Variants in RUNX3 observed in about 807,000 individuals in gnomAD.
RUNX3 encodes the protein runt-related transcription factor 3.
A neutral mutation model predicts 27.7 loss-of-function variants in RUNX3; 10 were observed. The observed-to-expected ratio is 0.36, with a 90% CI of 0.22 to 0.61. RUNX3 has a LOEUF of 0.61. Ranked by LOEUF, RUNX3 falls within the 20% of genes least tolerant of loss-of-function variation. The pLI, the probability that RUNX3 is intolerant of heterozygous loss-of-function variation, is 0.72. For synonymous variants in RUNX3, 270 were observed against 269.2 expected (o/e 1.00, Z -0.03); for missense variants, 469 against 629.5 (o/e 0.75, Z 2.73).
chr1:24,948,389 C>T (rs1641666922), intron 2 of RUNX3, among the ~76,000 whole-genome samples: 2 of 152,132 alleles, frequency 1.3e-5, no homozygotes, highest in Non-Finnish European at 2.9e-5. Context: ...GGGGTGGGCA[C>T]ACAAGGCGGG....
intron 2 of RUNX3, among the ~76,000 whole-genome samples, chr1:24,953,638 G>A (rs544623231): frequency 3.3e-5 from 5 of 152,238 alleles, no homozygotes; most frequent in East Asian, 3.9e-4. Flanking sequence ...CCTACGGGAC[G>A]GTGCCGTTCT....
rs905615488 is a variant in RUNX3, at chr1:24,902,225, C to T, written c.1145G>A (p.Gly382Asp). 8.9e-6 allele frequency: 14 copies of T among 1,573,624 alleles called. No individual in the cohort carries two copies. Among genetic ancestry groups the T allele is most frequent in the African/African-American group, 1.3e-5 (1 of 74,528 alleles). ...AAGNLMNPSL[G>D]GQSDGVEADG... ...GGCCTCCACGCCATCACTCTGGCCGCCCAGGCTGGGGTTCATGAGGTTGCC... is the reference window on the plus strand; with the variant it reads ...GGCCTCCACGCCATCACTCTGGCCGTCCAGGCTGGGGTTCATGAGGTTGCC... Residue 382 changes from glycine to aspartate, a missense_variant, in exon 5 of 5, where the codon GGC becomes GAC. Gly to Asp is a moderately conservative substitution (Grantham distance 94). This residue lies in a region of RUNX3 where 279 missense variants were observed against 343.0 expected (regional missense o/e 0.81). Coordinates refer to ENST00000308873, the MANE Select transcript of RUNX3 (RefSeq NM_004350.3). The surrounding 1 kb of genome is among the most constrained non-coding windows in gnomAD (Gnocchi z 9.2).
intron 2 of RUNX3, among the ~76,000 whole-genome samples, chr1:24,948,896 T>C (rs1641683886): frequency 3.3e-5 from 5 of 152,070 alleles, no homozygotes. Flanking sequence ...TATGATTGTC[T>C]ATTTAAACAA....
At chr1:24,953,500 G>T (rs145533766) in intron 2 of RUNX3, among the ~76,000 whole-genome samples, 196 of 149,616 alleles carry the variant, frequency 1.3e-3, no homozygotes, top group African/African-American at 4.5e-3. Context: ...TAGTTAAAAT[G>T]AAATAAGATA....
intron 2 of RUNX3, among the ~76,000 whole-genome samples, chr1:24,937,486 A>G (rs1433115017): frequency 6.6e-6 from 1 of 152,326 alleles, no homozygotes; most frequent in South Asian, 2.1e-4. Flanking sequence ...GTTTGCTTAT[A>G]TCACCTGAGA....
In RUNX3 at chr1:24,930,192, C is replaced by G; in HGVS notation, c.-324G>C. 1.0e-6 allele frequency: 1 copy of G among 979,740 alleles called. No homozygotes were observed. Among genetic ancestry groups the G allele is most frequent in the Non-Finnish European group, 1.2e-6 (1 of 827,194 alleles). The allele number at this position is 979,740 out of a possible 1,614,324, so 60.7% of individuals were successfully genotyped here. ...GGCCCGCGCGGGGCTGTGCCGCTGCCGCCGCCTCCCGCCCCGAAGCTCGCC... is the reference window on the plus strand; with the variant it reads ...GGCCCGCGCGGGGCTGTGCCGCTGCGGCCGCCTCCCGCCCCGAAGCTCGCC... On this transcript the variant is annotated 5_prime_UTR_variant, in exon 1 of 5. Transcript: ENST00000308873. This position sits in a 1 kb window ranked among gnomAD's most constrained non-coding sequence, Gnocchi z 4.1.
rs541427663 is a variant in RUNX3, at chr1:24,948,634, G to A, written c.58+15880C>T. Among the ~76,000 whole-genome samples the A allele has an allele frequency of 4.4e-4, 67 of 151,102 alleles. 1 individual carries two copies. The South Asian group carries it at 0.011, about 25-fold the overall frequency. On this transcript the variant is annotated intron_variant, in intron 2 of 6. Transcript: ENST00000338888. The stretch of plus-strand genomic sequence containing the variant: ...GGTACATGCAGGATGGGTGCATGTC[G>A]GGGAGGGTCATGTGCAGGACGGGGT...
chr1:24,914,510 C>T (rs944969232), intron 3 of RUNX3, among the ~76,000 whole-genome samples: 10 of 152,150 alleles, frequency 6.6e-5, no homozygotes, highest in African/African-American at 1.2e-4. Context: ...AAAGCCGGGT[C>T]GGTGGCTGGG....
intron 2 of RUNX3, among the ~76,000 whole-genome samples, chr1:24,949,079 G>C (rs980263868): frequency 6.6e-6 from 1 of 151,988 alleles, no homozygotes; most frequent in East Asian, 1.9e-4. Context: ...GTCTTTGAGG[G>C]GATGGGGGTC....
intron 2 of RUNX3, among the ~76,000 whole-genome samples, chr1:24,939,033 C>T (rs1030418725): frequency 7.2e-5 from 11 of 152,262 alleles, no homozygotes; most frequent in African/African-American, 2.4e-4. Context: ...TCTCCCCAAT[C>T]GCATTTGGGC....
intron 1 of RUNX3, chr1:24,964,821 A>C: frequency 1.0e-6 from 1 of 999,574 alleles, no homozygotes; most frequent in Middle Eastern, 3.2e-4. Context: ...AAGGAAAGTA[A>C]GTTTCTGTTT....
Position 24,902,734 on chromosome 1 carries a change from A to C in RUNX3, c.704-68T>G. ...CCCCAGGAGGGCTTCCTGAAGAATGACCTTGGGCTCTGGTTCCCAAGGCCC... is the reference window on the plus strand; with the variant it reads ...CCCCAGGAGGGCTTCCTGAAGAATGCCCTTGGGCTCTGGTTCCCAAGGCCC... On this transcript the variant is annotated intron_variant, in intron 4 of 4. Transcript: ENST00000308873. The surrounding 1 kb of genome is among the most constrained non-coding windows in gnomAD (Gnocchi z 9.2). 10 of 1,366,770 alleles carry C rather than the reference A, an allele frequency of 7.3e-6. No individual in the cohort carries two copies. The highest frequency in any genetic ancestry group is 9.8e-6 in the Non-Finnish European group (10 of 1,020,502). 84.7% of individuals were successfully genotyped at this position (1,366,770 alleles called of 1,614,324 possible). A position where few individuals can be genotyped will look rare whatever the true frequency, so the allele number is the denominator to read the frequency against.
Position 24,919,888 on chromosome 1 carries a change from T to C in RUNX3, c.440-544A>G, listed in dbSNP as rs892803636. Among the ~76,000 whole-genome samples, 5 of 152,154 alleles carry C rather than the reference T, an allele frequency of 3.3e-5. No homozygotes were observed. The East Asian group carries it at 9.6e-4, about 29-fold the overall frequency. On this transcript the variant is annotated intron_variant, in intron 2 of 4. Coordinates refer to ENST00000308873, the MANE Select transcript of RUNX3 (RefSeq NM_004350.3). ...AAAATACAGATTTTCATACTGTTTT[T>C]TTTTTCATTTAACCTCACATCAGAA...
Position 24,929,856 on chromosome 1 carries a change from C to T in RUNX3, c.13G>A (p.Val5Ile). 1.5e-6 allele frequency: 2 copies of T among 1,356,962 alleles called. No individual in the cohort carries two copies. The highest frequency in any genetic ancestry group is 1.9e-6 in the Non-Finnish European group (2 of 1,063,632). The allele number at this position is 1,356,962 out of a possible 1,614,324, so 84.1% of individuals were successfully genotyped here. A position where few individuals can be genotyped will look rare whatever the true frequency, so the allele number is the denominator to read the frequency against. The change falls in exon 1 of 5, where the codon GTA (valine) becomes ATA (isoleucine). Residue 5 changes from valine to isoleucine, a missense_variant. By Grantham distance (29) the Val-to-Ile change is conservative (BLOSUM62 3). Coordinates refer to ENST00000308873, the MANE Select transcript of RUNX3 (RefSeq NM_004350.3). ...AAGCGGCGGCTGGTGCTTGGGTCTA[C>T]GGGAATACGCATAACAGCGGCCGTC... MRIP[V>I]DPSTSRRFTP...
rs1405377667 is a variant in RUNX3 at position 24,923,516 on chromosome 1, G to A, written c.439+4058C>T. 3.3e-5 allele frequency among the ~76,000 whole-genome samples: 5 copies of A among 152,202 alleles called. No individual in the cohort carries two copies. Among genetic ancestry groups the A allele is most frequent in the Non-Finnish European group, 7.3e-5 (5 of 68,036 alleles). On this transcript the variant is annotated intron_variant, in intron 2 of 4. Transcript: ENST00000308873. This position sits in a 1 kb window ranked among gnomAD's most constrained non-coding sequence, Gnocchi z 5.9. Reference sequence around the variant, plus strand: ...TCTCTGAGGGCTGGCCCTGGTTGCAGGGGAGAAGTCTTGGTCTGGGAAATG... The same window carrying A: ...TCTCTGAGGGCTGGCCCTGGTTGCAAGGGAGAAGTCTTGGTCTGGGAAATG...
intron 1 of RUNX3, chr1:24,928,808 A>C (rs1289007879): frequency 8.8e-6 from 3 of 339,902 alleles, no homozygotes; most frequent in Non-Finnish European, 1.7e-5. Context: ...GGACGGCCTC[A>C]GCTTCCAGCC....
chr1:24,910,494 G>A (rs920190206), intron 3 of RUNX3, among the ~76,000 whole-genome samples: 8 of 152,170 alleles, frequency 5.3e-5, no homozygotes, highest in African/African-American at 1.9e-4. Context: ...GGAAAAGCCT[G>A]TCGACCACTG....
chr1:24,923,067 G>C lies in RUNX3; in HGVS notation c.440-3723C>G, dbSNP rs1449889100. On this transcript the variant is annotated intron_variant, in intron 2 of 4. Transcript: ENST00000308873. This position sits in a 1 kb window ranked among gnomAD's most constrained non-coding sequence, Gnocchi z 5.9. ...AAATAAATTAAGGGCAGAGATAATG[G>C]CTCCCATTTTGCACACAGGTACTAA... 6.6e-6 allele frequency among the ~76,000 whole-genome samples: 1 copy of C among 152,122 alleles called. No homozygotes were observed. The highest frequency in any genetic ancestry group is 1.5e-5 in the Non-Finnish European group (1 of 68,026).
At chr1:24,938,696 G>A (rs562551181) in intron 2 of RUNX3, among the ~76,000 whole-genome samples, 11 of 152,088 alleles carry the variant, frequency 7.2e-5, no homozygotes, top group Non-Finnish European at 1.0e-4. Context: ...GGGGCCTTTC[G>A]GGAAGTGATT....
Sources: gnomAD v4.1 joint callset for allele counts (sites outside exome capture counted in the v4.1 genomes callset) on GRCh38, gnomAD v4.1.1 for gene constraint, gnomAD v4.1.1 regional missense constraint, Gnocchi (gnomAD v3.1) non-coding constraint, MANE v1.5 for transcripts, NCBI Gene and HGNC (gene_info 2026-07-23, HGNC 2026-07-21) for gene names.